Variants in UNC5C observed in about 807,000 individuals in gnomAD.
The protein encoded by UNC5C is netrin receptor UNC5C.
In UNC5C, 47 loss-of-function variants were observed where a neutral mutation model predicts 99.8. The ratio of observed to expected loss-of-function variants is 0.47; its 90% CI spans 0.37 to 0.60. UNC5C has a LOEUF of 0.60. UNC5C is among the 20% of genes least tolerant of loss of function. The pLI is 0.00. For synonymous variants in UNC5C, 487 were observed against 452.2 expected (o/e 1.08, Z -0.98); for missense variants, 1,062 against 1,165.9 (o/e 0.91, Z 1.30).
chr4:95,507,316 T>A (rs996605016), intron 1 of UNC5C, among the ~76,000 whole-genome samples: 2 of 151,976 alleles, frequency 1.3e-5, no homozygotes, highest in African/African-American at 2.4e-5. Context: ...TTAGGATAGA[T>A]AAACGACAGC....
chr4:95,396,807 C>T (rs1745523667), intron 1 of UNC5C, among the ~76,000 whole-genome samples: 1 of 151,840 alleles, frequency 6.6e-6, no homozygotes, highest in Non-Finnish European at 1.5e-5. Context: ...AACCATTATC[C>T]CTGATTGTGA....
intron 12 of UNC5C, among the ~76,000 whole-genome samples, chr4:95,197,646 T>G (rs1233288755): frequency 6.6e-6 from 1 of 152,008 alleles, no homozygotes; most frequent in Non-Finnish European, 1.5e-5. Flanking sequence ...GAGCAGAAGA[T>G]ACATGGAAGA....
At chr4:95,481,205 T>C (rs1190424354) in intron 1 of UNC5C, among the ~76,000 whole-genome samples, 1 of 151,992 alleles carries the variant, frequency 6.6e-6, no homozygotes, top group African/African-American at 2.4e-5. Context: ...AGCATTCTTA[T>C]ACACCAATAA....
chr4:95,275,520 T>C (rs59833331), intron 4 of UNC5C, among the ~76,000 whole-genome samples: 10,594 of 152,126 alleles, frequency 0.07, 1,055 homozygotes, highest in African/African-American at 0.22. Context: ...AAGTAAAAAA[T>C]GGTGATGTTT....
chr4:95,203,668 T>G (rs1365119310), intron 11 of UNC5C, among the ~76,000 whole-genome samples: 1 of 152,080 alleles, frequency 6.6e-6, no homozygotes, highest in Non-Finnish European at 1.5e-5. Context: ...TTTCACTATG[T>G]TGCCAGGCTG....
At chr4:95,490,238 T>G (rs1364313879) in intron 1 of UNC5C, among the ~76,000 whole-genome samples, 1 of 151,596 alleles carries the variant, frequency 6.6e-6, no homozygotes, top group African/African-American at 2.4e-5. Context: ...ATATAGCAAG[T>G]TATCACAAGT....
At chr4:95,483,698 T>C (rs989706583) in intron 1 of UNC5C, among the ~76,000 whole-genome samples, 1 of 151,834 alleles carries the variant, frequency 6.6e-6, no homozygotes, top group African/African-American at 2.4e-5. Flanking sequence ...CTTGATAACA[T>C]CTCTTAATAG....
chr4:95,362,490 G>T (rs1440191747), intron 1 of UNC5C, among the ~76,000 whole-genome samples: 1 of 152,142 alleles, frequency 6.6e-6, no homozygotes, highest in East Asian at 1.9e-4. Flanking sequence ...CAAGAATGTG[G>T]TCAGGTCATC....
intron 1 of UNC5C, among the ~76,000 whole-genome samples, chr4:95,502,004 C>G (rs1721788047): frequency 6.6e-6 from 1 of 152,108 alleles, no homozygotes; most frequent in African/African-American, 2.4e-5. Flanking sequence ...GACAAATCAG[C>G]CTCTGAAGAA....
At chr4:95,266,401 T>C (rs1407780895) in intron 4 of UNC5C, among the ~76,000 whole-genome samples, 2 of 152,220 alleles carry the variant, frequency 1.3e-5, no homozygotes, top group African/African-American at 4.8e-5. Context: ...AATACTAACA[T>C]GATTTTATTA....
Position 95,170,350 on chromosome 4 carries a change from G to T in UNC5C, c.2452-18C>A. ...GTAGGTTCCTGTAGTTCAGGGACAG[G>T]AACAACACAGCATTATTTCTGAGGA... On this transcript the variant is annotated intron_variant, in intron 14 of 15. Coordinates refer to ENST00000453304, the MANE Select transcript of UNC5C (RefSeq NM_003728.4). The T allele has an allele frequency of 6.2e-7, 1 of 1,611,562 alleles. No homozygotes were observed. The highest frequency in any genetic ancestry group is 1.1e-5 in the South Asian group (1 of 90,976).
At chr4:95,361,406 C>G (rs1307577887) in intron 1 of UNC5C, among the ~76,000 whole-genome samples, 1 of 152,120 alleles carries the variant, frequency 6.6e-6, no homozygotes, top group Non-Finnish European at 1.5e-5. Context: ...CTTTTCATAC[C>G]TTCAAGATGA....
At chr4:95,442,919 G>T (rs947572228) in intron 1 of UNC5C, among the ~76,000 whole-genome samples, 8 of 151,890 alleles carry the variant, frequency 5.3e-5, no homozygotes, top group Non-Finnish European at 1.2e-4. Context: ...TAATGGTAAC[G>T]CTGGCAGATG....
intron 14 of UNC5C, among the ~76,000 whole-genome samples, chr4:95,173,519 T>C (rs1375553932): frequency 4.0e-5 from 6 of 149,134 alleles, no homozygotes; most frequent in Non-Finnish European, 8.9e-5. Flanking sequence ...TTGTCTTTGG[T>C]TCTGTTTATA....
intron 1 of UNC5C, among the ~76,000 whole-genome samples, chr4:95,425,411 T>G (rs1025348941): frequency 6.6e-6 from 1 of 152,196 alleles, no homozygotes; most frequent in Non-Finnish European, 1.5e-5. Context: ...AAGCTCCGCC[T>G]CCCGGGCTCC....
At chr4:95,342,788 G>A (rs368703743) in intron 1 of UNC5C, among the ~76,000 whole-genome samples, 1 of 151,922 alleles carries the variant, frequency 6.6e-6, no homozygotes, top group African/African-American at 2.4e-5. Context: ...TGGGCCAAAG[G>A]GGGGCCCACT....
chr4:95,311,089 A>G (rs1324825971), intron 2 of UNC5C, among the ~76,000 whole-genome samples: 1 of 152,110 alleles, frequency 6.6e-6, no homozygotes, highest in Non-Finnish European at 1.5e-5. Context: ...GGGTGTGCAA[A>G]ATATTTCTGT....
intron 1 of UNC5C, among the ~76,000 whole-genome samples, chr4:95,482,169 A>G (rs1365460138): frequency 6.6e-6 from 1 of 152,022 alleles, no homozygotes; most frequent in Non-Finnish European, 1.5e-5. Flanking sequence ...CAAGAAAAAA[A>G]CAAACAAACC....
intron 1 of UNC5C, among the ~76,000 whole-genome samples, chr4:95,407,184 T>C (rs919283326): frequency 1.3e-5 from 2 of 152,166 alleles, no homozygotes; most frequent in Admixed American, 1.3e-4. Flanking sequence ...AAGTTTTAGA[T>C]TATAAAGCTC....
Sources: gnomAD v4.1 joint callset for allele counts (sites outside exome capture counted in the v4.1 genomes callset) on GRCh38, gnomAD v4.1.1 for gene constraint, MANE v1.5 for transcripts, NCBI Gene and HGNC (gene_info 2026-07-23, HGNC 2026-07-21) for gene names.